Variants in ZFPM2 observed in about 807,000 individuals in gnomAD.
ZFPM2 encodes the protein zinc finger protein, FOG family member 2, also known as zinc finger protein ZFPM2.
In ZFPM2, 20 loss-of-function variants were observed where a neutral mutation model predicts 98.6. That is an observed-to-expected ratio of 0.20 (90% CI 0.14 to 0.29). ZFPM2 has a LOEUF of 0.29. ZFPM2 is among the 10% of genes least tolerant of loss of function. ZFPM2 has a pLI of 1.00. For missense variants in ZFPM2, 1,310 were observed against 1,388.6 expected (o/e 0.94, Z 0.90); for synonymous variants, 518 against 502.7 (o/e 1.03, Z -0.41).
intron 5 of ZFPM2, among the ~76,000 whole-genome samples, chr8:105,730,644 T>C (rs1348932831): frequency 6.6e-6 from 1 of 151,754 alleles, no homozygotes; most frequent in African/African-American, 2.4e-5. Context: ...CTTCTGGACA[T>C]TATTTTAATG....
chr8:105,663,130 A>T (rs564468685), intron 5 of ZFPM2, among the ~76,000 whole-genome samples: 40 of 152,292 alleles, frequency 2.6e-4, no homozygotes, highest in African/African-American at 9.1e-4. Context: ...CTTTAAAATT[A>T]ATTGGCTTTA....
chr8:105,694,178 G>A (rs1480991402), intron 5 of ZFPM2, among the ~76,000 whole-genome samples: 1 of 151,458 alleles, frequency 6.6e-6, no homozygotes, highest in Admixed American at 6.6e-5. Flanking sequence ...AGTAGAGACG[G>A]GGTTTCGCTG....
In ZFPM2 at chr8:105,461,472, C is replaced by A. The variant is rs1010027987; in HGVS notation, c.301+17091C>A. Among the ~76,000 whole-genome samples, 35 of 152,248 alleles carry A rather than the reference C, an allele frequency of 2.3e-4. 2 individuals are homozygous for A. The highest frequency in any genetic ancestry group is 1.8e-3 in the Admixed American group (28 of 15,282). ...TCATCCGGTTAGGCTCACTGATAGT[C>A]ATTTTCAGAAATTCTAAATCATTCA... On this transcript the variant is annotated intron_variant, in intron 3 of 7. Transcript: ENST00000407775.
chr8:105,429,146 C>T (rs1292020840), intron 2 of ZFPM2, among the ~76,000 whole-genome samples: 1 of 151,972 alleles, frequency 6.6e-6, no homozygotes, highest in Non-Finnish European at 1.5e-5. Context: ...TTTAACAACG[C>T]GATTTGATGT....
intron 3 of ZFPM2, among the ~76,000 whole-genome samples, chr8:105,531,184 T>C (rs1814289952): frequency 6.6e-6 from 1 of 152,134 alleles, no homozygotes; most frequent in African/African-American, 2.4e-5. Flanking sequence ...TTATATGTGC[T>C]TAATTGTCCT....
chr8:105,728,829 A>G (rs1194104526), intron 5 of ZFPM2, among the ~76,000 whole-genome samples: 1 of 151,802 alleles, frequency 6.6e-6, no homozygotes, highest in Non-Finnish European at 1.5e-5. Context: ...TTAAAGTTGT[A>G]AAAGCAATTC....
chr8:105,441,880 C>T lies in ZFPM2; in HGVS notation c.200-2400C>T, dbSNP rs185879644. ...AAGGGCCAGAGCAGGTACAGTCAGG[C>T]AGAAGGGAACTTGGTTAGTTCAGGG... On this transcript the variant is annotated intron_variant, in intron 2 of 7. Transcript: ENST00000407775. 1.4e-4 allele frequency among the ~76,000 whole-genome samples: 21 copies of T among 152,186 alleles called. No individual in the cohort carries two copies. The East Asian group carries it at 3.3e-3, about 24-fold the overall frequency.
intron 3 of ZFPM2, among the ~76,000 whole-genome samples, chr8:105,542,798 T>G (rs753917251): frequency 7.9e-5 from 12 of 152,180 alleles, no homozygotes; most frequent in Admixed American, 7.2e-4. Context: ...TTCCCCACAA[T>G]GGTTACCAAT....
intron 5 of ZFPM2, among the ~76,000 whole-genome samples, chr8:105,635,490 C>T (rs573259443): frequency 6.6e-6 from 1 of 151,914 alleles, no homozygotes; most frequent in African/African-American, 2.4e-5. Flanking sequence ...ACACCAGGAT[C>T]TGATTATACT....
At chr8:105,755,864 G>A (rs17312850) in intron 5 of ZFPM2, among the ~76,000 whole-genome samples, 8,062 of 152,174 alleles carry the variant, frequency 0.053, 283 homozygotes, top group Non-Finnish European at 0.083. Flanking sequence ...TATAAATAAA[G>A]TATGCAATCT....
At chr8:105,373,976 G>A (rs1332884560) in intron 1 of ZFPM2, among the ~76,000 whole-genome samples, 14 of 152,122 alleles carry the variant, frequency 9.2e-5, no homozygotes, top group Admixed American at 3.9e-4. Context: ...AAGAAGGAAC[G>A]AACTAGATAT....
At chr8:105,352,937 C>A (rs1307106664) in intron 1 of ZFPM2, among the ~76,000 whole-genome samples, 54 of 152,060 alleles carry the variant, frequency 3.6e-4, no homozygotes, top group Admixed American at 3.4e-3. Context: ...CAGATTGTTT[C>A]ACTGTGGAGC....
intron 2 of ZFPM2, among the ~76,000 whole-genome samples, chr8:105,441,237 C>T (rs114071879): frequency 1.3e-5 from 2 of 151,696 alleles, no homozygotes; most frequent in Non-Finnish European, 2.9e-5. Context: ...TCAACTTACT[C>T]TCCTTAATTG....
At chr8:105,635,326 T>G (rs771920126) in intron 5 of ZFPM2, among the ~76,000 whole-genome samples, 1 of 152,104 alleles carries the variant, frequency 6.6e-6, no homozygotes, top group Non-Finnish European at 1.5e-5. Flanking sequence ...CATCAAAGAC[T>G]CTTAAAAACT....
At chr8:105,526,260 C>G (rs983776368) in intron 3 of ZFPM2, among the ~76,000 whole-genome samples, 3 of 152,044 alleles carry the variant, frequency 2.0e-5, no homozygotes, top group Admixed American at 1.3e-4. Flanking sequence ...AAAATCATTC[C>G]CTCCAGAGCC....
rs577911396 is a variant in ZFPM2, at chr8:105,637,352, A to G, written c.532+2995A>G. On this transcript the variant is annotated intron_variant, in intron 5 of 7. Coordinates refer to ENST00000407775, the MANE Select transcript of ZFPM2 (RefSeq NM_012082.4). ...ATATATTAAAGTGTGGCATTTCCCA[A>G]AATGTATTTCATGGAACCCTAAGAT... Among the ~76,000 whole-genome samples the G allele has an allele frequency of 5.5e-4, 83 of 152,234 alleles. No homozygotes were observed. The South Asian group carries it at 0.016, about 30-fold the overall frequency.
At chr8:105,730,773 TTTC>T (rs1387593322) in intron 5 of ZFPM2, among the ~76,000 whole-genome samples, 63 of 118,816 alleles carry the variant, frequency 5.3e-4, no homozygotes, top group African/African-American at 3.0e-3. Context: ...CTTTTTCTTT[TTTC>T]TTTTTTTTTT....
chr8:105,668,289 C>T (rs535215618), intron 5 of ZFPM2, among the ~76,000 whole-genome samples: 2 of 152,242 alleles, frequency 1.3e-5, no homozygotes, highest in African/African-American at 4.8e-5. Flanking sequence ...TAAACATGTG[C>T]TGGCCTAATT....
chr8:105,699,182 T>C (rs1811086786), intron 5 of ZFPM2, among the ~76,000 whole-genome samples: 1 of 152,202 alleles, frequency 6.6e-6, no homozygotes, highest in Non-Finnish European at 1.5e-5. Flanking sequence ...GAGTGAATTT[T>C]GACATATTCA....
Sources: gnomAD v4.1 joint callset for allele counts (sites outside exome capture counted in the v4.1 genomes callset) on GRCh38, gnomAD v4.1.1 for gene constraint, MANE v1.5 for transcripts, NCBI Gene and HGNC (gene_info 2026-07-23, HGNC 2026-07-21) for gene names.